The following CNTN5 variants were observed in gnomAD, a reference collection of about 807,000 sequenced individuals.
The protein encoded by CNTN5 is contactin-5.
CNTN5 carries 77 observed loss-of-function variants against 129.1 expected under a neutral mutation model. That is an observed-to-expected ratio of 0.60 (90% CI 0.50 to 0.72). The LOEUF (loss-of-function observed/expected upper bound fraction) is 0.72. Ranked by LOEUF, CNTN5 falls within the 30% of genes least tolerant of loss-of-function variation. The pLI is 0.00. For missense variants in CNTN5, 1,478 were observed against 1,328.8 expected (o/e 1.11, Z -1.75); for synonymous variants, 509 against 465.6 (o/e 1.09, Z -1.20).
At chr11:99,922,067 C>T (rs12808771) in intron 7 of CNTN5, among the ~76,000 whole-genome samples, 21,289 of 151,926 alleles carry the variant, frequency 0.14, 1,854 homozygotes, top group African/African-American at 0.24. Context: ...TACCTGATAC[C>T]GGGTAATTTA....
intron 9 of CNTN5, among the ~76,000 whole-genome samples, chr11:100,026,140 A>G (rs1941408963): frequency 6.6e-6 from 1 of 152,122 alleles, no homozygotes; most frequent in Non-Finnish European, 1.5e-5. Flanking sequence ...TGAATCATTG[A>G]GGACCATTTC....
At position 99,692,078 on chromosome 11, in the gene CNTN5, T is replaced by C. The variant is rs1954062882; in HGVS notation, c.56-127466T>C. On this transcript the variant is annotated intron_variant, in intron 3 of 24. Transcript: ENST00000524871. ...GAATTGCAACCCCTGCTTTTTTAGG[T>C]TTTCCATTTGCTTGGTAAATTTTCC... 2.0e-5 allele frequency among the ~76,000 whole-genome samples: 3 copies of C among 152,282 alleles called. No individual in the cohort carries two copies. In the South Asian group the frequency reaches 6.2e-4, roughly 32 times the overall value.
chr11:99,337,088 T>C (rs1189585883), intron 2 of CNTN5, among the ~76,000 whole-genome samples: 1 of 152,200 alleles, frequency 6.6e-6, no homozygotes, highest in Admixed American at 6.5e-5. Flanking sequence ...TTTTTCTCTA[T>C]ATCTTGTCAG....
chr11:99,220,585 A>T (rs1860349473), intron 1 of CNTN5, among the ~76,000 whole-genome samples: 1 of 151,972 alleles, frequency 6.6e-6, no homozygotes, highest in Non-Finnish European at 1.5e-5. Flanking sequence ...GAGGAAAGTC[A>T]TTACAAAAGT....
intron 13 of CNTN5, among the ~76,000 whole-genome samples, chr11:100,117,523 A>C (rs1444559717): frequency 1.3e-5 from 2 of 151,946 alleles, no homozygotes; most frequent in African/African-American, 4.8e-5. Flanking sequence ...TAGTACATAT[A>C]AAATGTCTAC....
intron 1 of CNTN5, among the ~76,000 whole-genome samples, chr11:99,145,012 C>G (rs1368531920): frequency 6.6e-6 from 1 of 152,018 alleles, no homozygotes; most frequent in African/African-American, 2.4e-5. Flanking sequence ...GGTATCTGCA[C>G]ATCCAGCATA....
intron 10 of CNTN5, among the ~76,000 whole-genome samples, chr11:100,063,059 C>T (rs975953281): frequency 2.0e-5 from 3 of 152,106 alleles, no homozygotes; most frequent in African/African-American, 7.2e-5. Context: ...GCCTGTTACT[C>T]TGAAGGCTAT....
chr11:99,897,183 A>C (rs1949228561), intron 6 of CNTN5, among the ~76,000 whole-genome samples: 1 of 152,210 alleles, frequency 6.6e-6, no homozygotes, highest in Non-Finnish European at 1.5e-5. Flanking sequence ...CCTACAAGTT[A>C]TTGGAATTCC....
intron 3 of CNTN5, among the ~76,000 whole-genome samples, chr11:99,645,262 CAAAAAAAAAA>C (rs71050011): frequency 1.1e-4 from 5 of 47,488 alleles, no homozygotes; most frequent in African/African-American, 3.3e-4. Flanking sequence ...TCCATCTCAA[CAAAAAAAAAA>C]AAAAAAAAAA....
Position 100,197,993 on chromosome 11 carries a change from G to A in CNTN5, c.1884+4330G>A, listed in dbSNP as rs770317475. On this transcript the variant is annotated intron_variant, in intron 15 of 24. Coordinates refer to ENST00000524871, the MANE Select transcript of CNTN5 (RefSeq NM_014361.4). ...GGAATTTTGAGCCCATTTTTTTAATGAGGAAACTGAAGAATAAGACTTTTC... is the reference window on the plus strand; with the variant it reads ...GGAATTTTGAGCCCATTTTTTTAATAAGGAAACTGAAGAATAAGACTTTTC... Among the ~76,000 whole-genome samples, 6 of 151,956 alleles carry A rather than the reference G, an allele frequency of 3.9e-5. No individual in the cohort carries two copies. The East Asian group carries it at 1.2e-3, about 30-fold the overall frequency.
intron 13 of CNTN5, among the ~76,000 whole-genome samples, chr11:100,104,649 A>G (rs746837345): frequency 2.0e-5 from 3 of 152,164 alleles, no homozygotes; most frequent in Non-Finnish European, 4.4e-5. Flanking sequence ...TTAATAGATA[A>G]AAAGACAGGT....
chr11:99,361,562 G>T (rs781086729), intron 2 of CNTN5, among the ~76,000 whole-genome samples: 7 of 152,034 alleles, frequency 4.6e-5, no homozygotes, highest in Non-Finnish European at 1.0e-4. Context: ...TGCTCATAAT[G>T]TTGTGTATCT....
chr11:99,239,399 G>A (rs943313858), intron 1 of CNTN5, among the ~76,000 whole-genome samples: 20 of 152,202 alleles, frequency 1.3e-4, no homozygotes, highest in Admixed American at 1.0e-3. Flanking sequence ...GTTTAGTCTC[G>A]AATCTAAGTT....
intron 3 of CNTN5, among the ~76,000 whole-genome samples, chr11:99,732,136 T>C (rs1052748111): frequency 1.4e-4 from 21 of 152,198 alleles, no homozygotes; most frequent in African/African-American, 4.8e-4. Flanking sequence ...CAAGTCCTGA[T>C]AGGCAAAGGA....
intron 1 of CNTN5, among the ~76,000 whole-genome samples, chr11:99,298,499 C>T (rs1864484636): frequency 6.6e-6 from 1 of 152,140 alleles, no homozygotes. Context: ...TAGGTTTTCG[C>T]ATTTGTCTGG....
intron 2 of CNTN5, among the ~76,000 whole-genome samples, chr11:99,485,960 C>G (rs1252663780): frequency 6.6e-6 from 1 of 152,048 alleles, no homozygotes; most frequent in Non-Finnish European, 1.5e-5. Flanking sequence ...TGTTTTGTCT[C>G]TGTTTCTATA....
At chr11:100,013,945 A>G (rs1476494787) in intron 9 of CNTN5, among the ~76,000 whole-genome samples, 2 of 152,178 alleles carry the variant, frequency 1.3e-5, no homozygotes, top group Non-Finnish European at 2.9e-5. Context: ...TGTACTTTGA[A>G]CTAAGCATGC....
At position 100,356,494 on chromosome 11, in the gene CNTN5, A is replaced by T. The variant is rs1952529380; in HGVS notation, c.*274A>T. On this transcript the variant is annotated 3_prime_UTR_variant, in exon 25 of 25. Transcript: ENST00000524871. ...TGTAAACAAAGGTAATTTCTGTCAA[A>T]TGTATTCTTTACTTTTTTAATATGT... The T allele has an allele frequency of 1.4e-5, 6 of 433,188 alleles. No homozygotes were observed. The highest frequency in any genetic ancestry group is 6.3e-4 in the Middle Eastern group (1 of 1,580). The allele number at this position is 433,188 out of a possible 1,614,324, so 26.8% of individuals were successfully genotyped here.
intron 3 of CNTN5, among the ~76,000 whole-genome samples, chr11:99,809,610 C>T (rs143693195): frequency 6.6e-6 from 1 of 152,060 alleles, no homozygotes. Context: ...CCACCTTTTA[C>T]AGATTCTATG....
Sources: gnomAD v4.1 joint callset for allele counts (sites outside exome capture counted in the v4.1 genomes callset) on GRCh38, gnomAD v4.1.1 for gene constraint, MANE v1.5 for transcripts, NCBI Gene and HGNC (gene_info 2026-07-23, HGNC 2026-07-21) for gene names.